The following ST8SIA5 variants were observed in gnomAD, a reference collection of about 807,000 sequenced individuals.
ST8SIA5 encodes the protein ST8 alpha-N-acetyl-neuraminide alpha-2,8-sialyltransferase 5.
Under a neutral mutation model 40.2 loss-of-function variants are expected in ST8SIA5, and 24 were observed. The ratio of observed to expected loss-of-function variants is 0.60; its 90% CI spans 0.43 to 0.84. ST8SIA5 has a LOEUF of 0.84. Ranked by LOEUF, ST8SIA5 falls within the 40% of genes least tolerant of loss-of-function variation. The pLI, the probability that ST8SIA5 is intolerant of heterozygous loss-of-function variation, is 0.00. For missense variants in ST8SIA5, 465 were observed against 498.5 expected (o/e 0.93, Z 0.64); for synonymous variants, 198 against 201.8 (o/e 0.98, Z 0.16).
At chr18:46,705,365 C>A (rs1390582103) in intron 1 of ST8SIA5, among the ~76,000 whole-genome samples, 1 of 152,238 alleles carries the variant, frequency 6.6e-6, no homozygotes, top group Non-Finnish European at 1.5e-5. Context: ...CAATTTCAAC[C>A]AACACTTACT....
intron 1 of ST8SIA5, among the ~76,000 whole-genome samples, chr18:46,730,900 G>A (rs2039979172): frequency 1.3e-5 from 2 of 152,214 alleles, no homozygotes; most frequent in South Asian, 2.1e-4. Context: ...AGGATTGCCT[G>A]AGACCCAGAG....
At chr18:46,748,439 C>T (rs186467342) in intron 1 of ST8SIA5, among the ~76,000 whole-genome samples, 1 of 150,536 alleles carries the variant, frequency 6.6e-6, no homozygotes, top group East Asian at 2.0e-4. Flanking sequence ...TGGTATATAC[C>T]TGTAATCCCA....
intron 1 of ST8SIA5, among the ~76,000 whole-genome samples, chr18:46,739,209 G>A (rs979158364): frequency 2.6e-5 from 4 of 152,124 alleles, no homozygotes; most frequent in African/African-American, 9.7e-5. Context: ...GGCAGCGTGG[G>A]TGAAGGCCCA....
chr18:46,667,928 A>G lies in ST8SIA5; in HGVS notation c.*12114T>C, dbSNP rs1224875069. 6.6e-6 allele frequency: 1 copy of G among 152,214 alleles called. No homozygotes were observed. The highest frequency in any genetic ancestry group is 2.4e-5 in the African/African-American group (1 of 41,446). 9.4% of individuals were successfully genotyped at this position (152,214 alleles called of 1,614,324 possible). ...TGTTTTTAGGCATAGCATCACAGTCATCACTTCAGAATCACTACTCAAGGA... is the reference window on the plus strand; with the variant it reads ...TGTTTTTAGGCATAGCATCACAGTCGTCACTTCAGAATCACTACTCAAGGA... On this transcript the variant is annotated 3_prime_UTR_variant, in exon 7 of 7. Coordinates refer to ENST00000315087, the MANE Select transcript of ST8SIA5 (RefSeq NM_013305.6).
At chr18:46,744,291 C>T (rs887338697) in intron 1 of ST8SIA5, among the ~76,000 whole-genome samples, 1 of 152,090 alleles carries the variant, frequency 6.6e-6, no homozygotes, top group Non-Finnish European at 1.5e-5. Flanking sequence ...AGAGTCAAGA[C>T]CCATCAGTGT....
chr18:46,721,382 G>C, intron 1 of ST8SIA5: 1 of 1,536,100 alleles, frequency 6.5e-7, no homozygotes, highest in Non-Finnish European at 8.7e-7. Context: ...AGTCACTGCC[G>C]CTCTGCACTG....
chr18:46,674,054 G>A lies in ST8SIA5; in HGVS notation c.*5988C>T, dbSNP rs2039325344. 6.6e-6 allele frequency: 1 copy of A among 152,170 alleles called. No individual in the cohort carries two copies. Among genetic ancestry groups the A allele is most frequent in the East Asian group, 1.9e-4 (1 of 5,176 alleles). 9.4% of individuals were successfully genotyped at this position (152,170 alleles called of 1,614,324 possible). On this transcript the variant is annotated 3_prime_UTR_variant, in exon 7 of 7. Coordinates refer to ENST00000315087, the MANE Select transcript of ST8SIA5 (RefSeq NM_013305.6). ...GCATCTGGAGCAGACATCCTGCAAAGCTCAGCTCACCTGTTTCCCAGCCAA... is the reference window on the plus strand; with the variant it reads ...GCATCTGGAGCAGACATCCTGCAAAACTCAGCTCACCTGTTTCCCAGCCAA...
chr18:46,667,982 C>G lies in ST8SIA5; in HGVS notation c.*12060G>C, dbSNP rs2144435919. The stretch of plus-strand genomic sequence containing the variant: ...CCACACACAAGCTGGAATTATGCTA[C>G]AGGAGTTTGTATAAACCACTGCTCC... On this transcript the variant is annotated 3_prime_UTR_variant, in exon 7 of 7. Coordinates refer to ENST00000315087, the MANE Select transcript of ST8SIA5 (RefSeq NM_013305.6). 1 of 152,370 alleles carries G rather than the reference C, an allele frequency of 6.6e-6. No homozygotes were observed. Among genetic ancestry groups the G allele is most frequent in the African/African-American group, 2.4e-5 (1 of 41,574 alleles). 9.4% of individuals were successfully genotyped at this position (152,370 alleles called of 1,614,324 possible). A position where few individuals can be genotyped will look rare whatever the true frequency, so the allele number is the denominator to read the frequency against.
chr18:46,720,961 G>A (rs2039855941), intron 1 of ST8SIA5, among the ~76,000 whole-genome samples: 1 of 152,116 alleles, frequency 6.6e-6, no homozygotes, highest in African/African-American at 2.4e-5. Flanking sequence ...AGGGACTTCA[G>A]AGAAGCAGGG....
intron 1 of ST8SIA5, among the ~76,000 whole-genome samples, chr18:46,728,882 T>C (rs2039958441): frequency 6.6e-6 from 1 of 152,136 alleles, no homozygotes; most frequent in African/African-American, 2.4e-5. Flanking sequence ...GTGAGCTTCC[T>C]AAGGAGTATC....
At chr18:46,692,282 A>T in intron 2 of ST8SIA5, 27 bp from the exon 3 acceptor site, 1 of 1,609,038 alleles carries the variant, frequency 6.2e-7, no homozygotes, top group Non-Finnish European at 8.5e-7. Flanking sequence ...AGAAGAGTAC[A>T]TGAGCAGGGT....
intron 4 of ST8SIA5, among the ~76,000 whole-genome samples, chr18:46,686,816 C>CAA (rs752731256): frequency 0.082 from 9,862 of 120,834 alleles, 632 homozygotes; most frequent in East Asian, 0.37. Flanking sequence ...CAGAGAAAGG[C>CAA]AAAAAAAAAA....
intron 5 of ST8SIA5, among the ~76,000 whole-genome samples, chr18:46,683,004 G>A (rs981259337): frequency 7.9e-5 from 12 of 152,196 alleles, no homozygotes; most frequent in African/African-American, 2.9e-4. Context: ...AATAAAATCT[G>A]TGTTGTTTAA....
rs1360854405 is a variant in ST8SIA5, at chr18:46,673,196, A to C, written c.*6846T>G. On this transcript the variant is annotated 3_prime_UTR_variant, in exon 7 of 7. Transcript: ENST00000315087. ...ACCATTACTGAACTGTACACTTAAA[A>C]ATGGTTAAGATGATAAATTCTATGT... 6.6e-6 allele frequency: 1 copy of C among 152,242 alleles called. No homozygotes were observed. Among genetic ancestry groups the C allele is most frequent in the Non-Finnish European group, 1.5e-5 (1 of 68,042 alleles). 9.4% of individuals were successfully genotyped at this position (152,242 alleles called of 1,614,324 possible).
intron 2 of ST8SIA5, among the ~76,000 whole-genome samples, chr18:46,701,022 G>A (rs1337544974): frequency 2.0e-5 from 3 of 151,750 alleles, no homozygotes; most frequent in Non-Finnish European, 2.9e-5. Context: ...GCCCTAAATG[G>A]AAGCTGTGAC....
At chr18:46,732,030 T>C (rs191225666) in intron 1 of ST8SIA5, among the ~76,000 whole-genome samples, 1 of 152,168 alleles carries the variant, frequency 6.6e-6, no homozygotes, top group Non-Finnish European at 1.5e-5. Flanking sequence ...AAGACAGGCC[T>C]CGGGTTGCCA....
At chr18:46,748,236 AT>A (rs111776609) in intron 1 of ST8SIA5, among the ~76,000 whole-genome samples, 39,691 of 151,618 alleles carry the variant, frequency 0.26, 5,380 homozygotes, top group Non-Finnish European at 0.28. Flanking sequence ...AAATAAATAA[AT>A]TAATTAATTT....
Position 46,677,487 on chromosome 18 carries a change from T to C in ST8SIA5, c.*2555A>G, listed in dbSNP as rs1301023777. The C allele has an allele frequency of 1.3e-5, 2 of 152,174 alleles. No individual in the cohort carries two copies. The highest frequency in any genetic ancestry group is 2.9e-5 in the Non-Finnish European group (2 of 68,040). 9.4% of individuals were successfully genotyped at this position (152,174 alleles called of 1,614,324 possible). A position where few individuals can be genotyped will look rare whatever the true frequency, so the allele number is the denominator to read the frequency against. ...GCTTGATAAATGCTAGCTAGTATAA[T>C]GAGAAATATTAATTATGGTTTAGAT... is the stretch of plus-strand genomic sequence containing the variant. On this transcript the variant is annotated 3_prime_UTR_variant, in exon 7 of 7. Transcript: ENST00000315087.
In ST8SIA5 at chr18:46,721,581, C is replaced by G. The variant is rs1248080262; in HGVS notation, c.132-16917G>C. 6.9e-6 allele frequency: 6 copies of G among 866,742 alleles called. No individual in the cohort carries two copies. In the African/African-American group the frequency reaches 9.9e-5, roughly 14 times the overall value. The allele number at this position is 866,742 out of a possible 1,614,324, so 53.7% of individuals were successfully genotyped here. ...CAAGTGACACATTGCCTTGGTCATG[C>G]AATTAAAGGAGGCGATGGTACTGAC... On this transcript the variant is annotated intron_variant, in intron 1 of 6. Coordinates refer to ENST00000315087, the MANE Select transcript of ST8SIA5 (RefSeq NM_013305.6).
Sources: allele counts gnomAD v4.1 joint callset (sites outside exome capture counted in the v4.1 genomes callset), GRCh38; gene constraint gnomAD v4.1.1; transcripts MANE v1.5; gene names NCBI Gene and HGNC (gene_info 2026-07-23, HGNC 2026-07-21).